TTBK2: variants seen among roughly 807,000 people sequenced by gnomAD.
TTBK2 encodes the protein tau tubulin kinase 2.
In TTBK2, 28 loss-of-function variants were observed where a neutral mutation model predicts 110.8. The observed-to-expected ratio is 0.25, with a 90% CI of 0.19 to 0.35. TTBK2 has a LOEUF of 0.35. Among genes scored for constraint, TTBK2 ranks in the 10% least tolerant of loss-of-function variants. TTBK2 has a pLI of 1.00. For synonymous variants in TTBK2, 532 were observed against 527.3 expected (o/e 1.01, Z -0.12); for missense variants, 1,369 against 1,500.3 (o/e 0.91, Z 1.45).
At chr15:42,779,294 G>C (rs888051496) in intron 11 of TTBK2, among the ~76,000 whole-genome samples, 6 of 151,496 alleles carry the variant, frequency 4.0e-5, no homozygotes, top group African/African-American at 1.5e-4. Context: ...CTGTGGTCCC[G>C]GCTACTCGGG....
chr15:42,806,304 T>G (rs1399060928), intron 9 of TTBK2, among the ~76,000 whole-genome samples: 1 of 152,134 alleles, frequency 6.6e-6, no homozygotes, highest in African/African-American at 2.4e-5. Context: ...TTAAAAAAAT[T>G]TATTTCTTTC....
At chr15:42,856,744 A>C (rs1893960308) in intron 3 of TTBK2, among the ~76,000 whole-genome samples, 1 of 152,144 alleles carries the variant, frequency 6.6e-6, no homozygotes, top group Non-Finnish European at 1.5e-5. Context: ...AGAATCCCCT[A>C]ATGTAAACTG....
At chr15:42,895,411 G>A (rs906477472) in intron 1 of TTBK2, among the ~76,000 whole-genome samples, 1 of 151,918 alleles carries the variant, frequency 6.6e-6, no homozygotes, top group Non-Finnish European at 1.5e-5. Flanking sequence ...TATTACCTGG[G>A]TGACAAAATA....
chr15:42,828,180 G>T, intron 5 of TTBK2, 148 bp from the exon 6 acceptor site: 6 of 659,844 alleles, frequency 9.1e-6, no homozygotes, highest in Non-Finnish European at 1.5e-5. Context: ...ATGTTTAGTG[G>T]TATTAAAATA....
At chr15:42,897,162 C>A (rs1895699396) in intron 1 of TTBK2, among the ~76,000 whole-genome samples, 1 of 152,102 alleles carries the variant, frequency 6.6e-6, no homozygotes, top group Non-Finnish European at 1.5e-5. Flanking sequence ...CAGGTGTGAG[C>A]CACTGCACCT....
intron 3 of TTBK2, among the ~76,000 whole-genome samples, chr15:42,841,977 G>C (rs537485940): frequency 6.6e-6 from 1 of 152,246 alleles, no homozygotes; most frequent in East Asian, 1.9e-4. Flanking sequence ...TTAGTTCATG[G>C]ACAATACGTG....
intron 3 of TTBK2, among the ~76,000 whole-genome samples, chr15:42,858,987 T>A (rs1187714903): frequency 4.6e-5 from 7 of 152,196 alleles, no homozygotes. Flanking sequence ...GAACCATTTT[T>A]AAATATGCCA....
At chr15:42,910,257 C>T (rs1301044172) in intron 1 of TTBK2, among the ~76,000 whole-genome samples, 1 of 151,364 alleles carries the variant, frequency 6.6e-6, no homozygotes, top group Non-Finnish European at 1.5e-5. Flanking sequence ...AAGAGTGCCC[C>T]ATCTACACAA....
intron 13 of TTBK2, among the ~76,000 whole-genome samples, chr15:42,757,589 A>G (rs1180357804): frequency 6.6e-6 from 1 of 152,222 alleles, no homozygotes; most frequent in African/African-American, 2.4e-5. Flanking sequence ...AAATAAAAGG[A>G]GAAAACCTAG....
intron 1 of TTBK2, among the ~76,000 whole-genome samples, chr15:42,886,411 C>T (rs978936667): frequency 6.6e-6 from 1 of 152,112 alleles, no homozygotes; most frequent in African/African-American, 2.4e-5. Context: ...TTTATCTGAC[C>T]TCTCCCAAAT....
Position 42,777,080 on chromosome 15 carries a change from G to A in TTBK2, c.1360C>T (p.Arg454Cys), listed in dbSNP as rs758352842. ...RSIHSFELEK[R>C]LTLEPKPDTD... The stretch of plus-strand genomic sequence containing the variant: ...TCTGGCTTTGGCTCCAGGGTCAGAC[G>A]TTTTTCCAGCTCAAAGCTGTGAATG... Residue 454 changes from arginine to cysteine, a missense_variant, in exon 12 of 15, where the codon CGT (arginine) becomes TGT (cysteine). Physicochemically the swap from Arg to Cys is radical, Grantham distance 180. Around this residue, in one of 4 missense-constraint regions of TTBK2, gnomAD observed 1,097 missense variants for 1,114.7 expected, o/e 0.98. Transcript: ENST00000267890. The A allele has an allele frequency of 8.1e-6, 13 of 1,614,038 alleles. No homozygotes were observed. The highest frequency in any genetic ancestry group is 6.7e-5 in the East Asian group (3 of 44,894).
chr15:42,785,413 G>A (rs1265975812), intron 10 of TTBK2, among the ~76,000 whole-genome samples: 1 of 152,098 alleles, frequency 6.6e-6, no homozygotes, highest in Non-Finnish European at 1.5e-5. Context: ...GAGCCATCGT[G>A]CCCGGCCACT....
intron 1 of TTBK2, among the ~76,000 whole-genome samples, chr15:42,913,406 G>A (rs569783996): frequency 1.3e-5 from 2 of 152,006 alleles, no homozygotes; most frequent in African/African-American, 2.4e-5. Context: ...TTGGTAGGCC[G>A]AGGCGGGCGG....
At chr15:42,865,473 C>T (rs981610651) in intron 3 of TTBK2, among the ~76,000 whole-genome samples, 11 of 136,528 alleles carry the variant, frequency 8.1e-5, no homozygotes, top group Non-Finnish European at 1.3e-4. Context: ...ACAAAAACTA[C>T]AAAAGACAGA....
chr15:42,766,481 T>C (rs976798390), intron 13 of TTBK2, among the ~76,000 whole-genome samples: 7 of 89,654 alleles, frequency 7.8e-5, no homozygotes, highest in African/African-American at 4.2e-4. Flanking sequence ...AGGGTTGCAA[T>C]CCTAGTCTCT....
chr15:42,768,152 T>C (rs905796654), intron 13 of TTBK2, among the ~76,000 whole-genome samples: 1 of 152,158 alleles, frequency 6.6e-6, no homozygotes, highest in African/African-American at 2.4e-5. Context: ...CCACAGCCAA[T>C]ATCATACTGA....
intron 1 of TTBK2, among the ~76,000 whole-genome samples, chr15:42,889,522 A>T (rs927608815): frequency 1.3e-5 from 2 of 152,202 alleles, no homozygotes; most frequent in African/African-American, 4.8e-5. Flanking sequence ...CAGGAAAGGT[A>T]AAACGGACTA....
intron 10 of TTBK2, among the ~76,000 whole-genome samples, chr15:42,787,962 T>C (rs1890480857): frequency 6.6e-6 from 1 of 152,098 alleles, no homozygotes; most frequent in South Asian, 2.1e-4. Flanking sequence ...GTATAACCTA[T>C]TGCTCCTAGG....
intron 9 of TTBK2, among the ~76,000 whole-genome samples, chr15:42,803,535 TC>T (rs1199109303): frequency 6.6e-6 from 1 of 152,102 alleles, no homozygotes; most frequent in African/African-American, 2.4e-5. Flanking sequence ...CTGGATGATA[TC>T]AGTCTTCCCT....
Sources: allele counts gnomAD v4.1 joint callset (sites outside exome capture counted in the v4.1 genomes callset), GRCh38; gene constraint gnomAD v4.1.1; regional missense constraint gnomAD v4.1.1; transcripts MANE v1.5; gene names NCBI Gene and HGNC (gene_info 2026-07-23, HGNC 2026-07-21).